Variants in IRGC observed in about 807,000 individuals in gnomAD.
IRGC encodes the protein interferon-inducible GTPase 5.
Under a neutral mutation model 16.1 loss-of-function variants are expected in IRGC, and 4 were observed. The observed-to-expected ratio is 0.25, with a 90% CI of 0.12 to 0.57. The LOEUF (loss-of-function observed/expected upper bound fraction) is 0.57, where lower values mean the gene tolerates loss of function less well. Ranked by LOEUF, IRGC falls within the 20% of genes least tolerant of loss-of-function variation. The pLI is 0.92. For synonymous variants in IRGC, 307 were observed against 299.5 expected (o/e 1.03, Z -0.26); for missense variants, 570 against 643.9 (o/e 0.89, Z 1.24).
At chr19:43,718,411 T>C in intron 1 of IRGC, 82 bp from the exon 2 acceptor site, 1 of 1,405,878 alleles carries the variant, frequency 7.1e-7, no homozygotes, top group Non-Finnish European at 9.2e-7. Flanking sequence ...CCAGGGCGAC[T>C]CCCTTCACAT....
At chr19:43,716,352 AAT>A (rs1968169396) in intron 1 of IRGC, among the ~76,000 whole-genome samples, 2 of 151,486 alleles carry the variant, frequency 1.3e-5, no homozygotes, top group South Asian at 4.2e-4. Context: ...TGGAGGCAAC[AAT>A]GTCTTTTTTT....
In IRGC at chr19:43,718,789, G is replaced by A. The variant is rs763985668; in HGVS notation, c.231G>A (p.Leu77=). ...KSSLINALRG[L]EAEDPGAALT... ...CCCTCATCAATGCCCTGCGTGGCCT[G>A]GAGGCCGAGGACCCTGGCGCGGCTC... The change falls in exon 2 of 2, where the codon CTG becomes CTA. Residue 77 remains leucine, a synonymous_variant. Coordinates refer to ENST00000244314, the MANE Select transcript of IRGC (RefSeq NM_019612.4). 1 of 1,612,868 alleles carries A rather than the reference G, an allele frequency of 6.2e-7. No individual in the cohort carries two copies. The highest frequency in any genetic ancestry group is 1.1e-5 in the South Asian group (1 of 91,076).
rs1309948008 is a variant in IRGC at position 43,719,541 on chromosome 19, C to T, written c.983C>T (p.Ser328Leu). ...QVGKQAGDLR[S>L]VIRSPLANEV... ...GGCAAACAGGCAGGTGACCTGCGCT[C>T]GGTCATCCGCTCCCCACTGGCCAAC... is the stretch of plus-strand genomic sequence containing the variant. The change falls in exon 2 of 2, where the codon TCG (serine) becomes TTG (leucine). Residue 328 changes from serine (S) to leucine (L), a missense_variant. Transcript: ENST00000244314. The T allele has an allele frequency of 1.9e-5, 30 of 1,602,494 alleles. No homozygotes were observed. Among genetic ancestry groups the T allele is most frequent in the African/African-American group, 2.7e-5 (2 of 74,954 alleles).
Position 43,719,751 on chromosome 19 carries a change from G to A in IRGC, c.1193G>A (p.Arg398His), listed in dbSNP as rs764551666. ...AACGAGATGGCTGAGGACGCCCAGC[G>A]TGTCCGCATCAAGGCCCTGGAGGAT... ...CLNEMAEDAQ[R>H]VRIKALEDDE... is the part of the protein sequence containing the mutation. The change falls in exon 2 of 2, where the codon CGT becomes CAT. Residue 398 changes from arginine (R) to histidine (H), a missense_variant. Transcript: ENST00000244314. The A allele has an allele frequency of 4.3e-6, 7 of 1,613,776 alleles. No individual in the cohort carries two copies. The highest frequency in any genetic ancestry group is 2.7e-5 in the African/African-American group (2 of 75,064).
At position 43,718,646 on chromosome 19, in the gene IRGC, G is replaced by T. The variant is rs1285900417; in HGVS notation, c.88G>T (p.Ala30Ser). The T allele has an allele frequency of 6.2e-7, 1 of 1,613,644 alleles. No homozygotes were observed. The highest frequency in any genetic ancestry group is 2.2e-5 in the East Asian group (1 of 44,882). The change falls in exon 2 of 2, where the codon GCC becomes TCC. Residue 30 changes from alanine (A) to serine (S), a missense_variant. Physicochemically the swap from Ala to Ser is moderately conservative, Grantham distance 99 (BLOSUM62 1). Transcript: ENST00000244314. The stretch of plus-strand genomic sequence containing the variant: ...GGAAAGGCTGGAGGCCCTGCGCACA[G>T]CCTTTGAGTCGGGTGACCTCCCCCA... Reference protein sequence around the residue: ...AKERLEALRTAFESGDLPQAA... With the variant: ...AKERLEALRTSFESGDLPQAA...
At chr19:43,718,030 C>T (rs1264232949) in intron 1 of IRGC, among the ~76,000 whole-genome samples, 1 of 152,200 alleles carries the variant, frequency 6.6e-6, no homozygotes, top group Non-Finnish European at 1.5e-5. Context: ...GATCGTAGCA[C>T]TGTGCTCCAG....
In IRGC at chr19:43,718,555, C is replaced by T. The variant is rs201915553; in HGVS notation, c.-4C>T. The T allele has an allele frequency of 5.7e-5, 89 of 1,561,884 alleles. No homozygotes were observed. Among genetic ancestry groups the T allele is most frequent in the Non-Finnish European group, 5.6e-5 (64 of 1,151,936 alleles). ...CCCCGCCACCCTCTGAACCACTGGC[C>T]ACCATGGCTACTTCAAAGTTGCCCG... On this transcript the variant is annotated 5_prime_UTR_variant, in exon 2 of 2. Transcript: ENST00000244314.
At position 43,718,842 on chromosome 19, in the gene IRGC, A is replaced by G. The variant is rs1211944184; in HGVS notation, c.284A>G (p.Gln95Arg). 6.2e-7 allele frequency: 1 copy of G among 1,613,146 alleles called. No homozygotes were observed. The highest frequency in any genetic ancestry group is 8.5e-7 in the Non-Finnish European group (1 of 1,179,968). The change falls in exon 2 of 2, where the codon CAA (glutamine) becomes CGA (arginine). Residue 95 changes from glutamine (Q) to arginine (R), a missense_variant. Physicochemically the swap from Gln to Arg is conservative, Grantham distance 43 (BLOSUM62 1). Coordinates refer to ENST00000244314, the MANE Select transcript of IRGC (RefSeq NM_019612.4). ...ALTGVMETTM[Q>R]PSPYPHPQFP... ...ACGGGCGTCATGGAGACCACGATGCAACCGTCGCCCTATCCACACCCACAG... is the reference window on the plus strand; with the variant it reads ...ACGGGCGTCATGGAGACCACGATGCGACCGTCGCCCTATCCACACCCACAG...
chr19:43,718,456 G>A, intron 1 of IRGC, 37 bp from the exon 2 acceptor site: 1 of 1,492,596 alleles, frequency 6.7e-7, no homozygotes, highest in Non-Finnish European at 8.9e-7. Context: ...CCATGCCAAG[G>A]CCCAGGAGGT....
chr19:43,719,206 C>T lies in IRGC; in HGVS notation c.648C>T (p.Ser216=), dbSNP rs1227496007. 1 of 1,608,416 alleles carries T rather than the reference C, an allele frequency of 6.2e-7. No homozygotes were observed. Among genetic ancestry groups the T allele is most frequent in the Admixed American group, 1.7e-5 (1 of 59,972 alleles). Residue 216 remains serine (S), a synonymous_variant, in exon 2 of 2, where the codon TCC becomes TCT. Coordinates refer to ENST00000244314, the MANE Select transcript of IRGC (RefSeq NM_019612.4). The part of the protein sequence containing the change: ...GVADPRIFLV[S]NLSPARYDFP... ...CTGACCCTCGCATCTTCCTGGTGTC[C>T]AACCTCTCGCCGGCCCGCTACGACT...
rs771234248 is a variant in IRGC, at chr19:43,718,550, C to T, written c.-9C>T. The T allele has an allele frequency of 3.2e-6, 5 of 1,558,024 alleles. No homozygotes were observed. The highest frequency in any genetic ancestry group is 4.3e-6 in the Non-Finnish European group (5 of 1,150,144). The stretch of plus-strand genomic sequence containing the variant: ...CTGTCCCCCGCCACCCTCTGAACCA[C>T]TGGCCACCATGGCTACTTCAAAGTT... On this transcript the variant is annotated 5_prime_UTR_variant, in exon 2 of 2. Coordinates refer to ENST00000244314, the MANE Select transcript of IRGC (RefSeq NM_019612.4).
At position 43,719,340 on chromosome 19, in the gene IRGC, C is replaced by G; in HGVS notation, c.782C>G (p.Ala261Gly). Reference protein sequence around the residue: ...ISLEALQKKKAMLQEQVLKTA... With the variant: ...ISLEALQKKKGMLQEQVLKTA... ...CTGGAGGCCTTGCAGAAGAAGAAGG[C>G]CATGCTTCAAGAGCAAGTCCTCAAG... Residue 261 changes from alanine to glycine, a missense_variant, in exon 2 of 2, where the codon GCC (alanine) becomes GGC (glycine). Coordinates refer to ENST00000244314, the MANE Select transcript of IRGC (RefSeq NM_019612.4). The G allele has an allele frequency of 6.2e-7, 1 of 1,612,122 alleles. No individual in the cohort carries two copies. The highest frequency in any genetic ancestry group is 8.5e-7 in the Non-Finnish European group (1 of 1,178,928).
intron 1 of IRGC, 73 bp from the exon 2 acceptor site, chr19:43,718,420 A>G: frequency 9.0e-6 from 13 of 1,443,418 alleles, no homozygotes; most frequent in Non-Finnish European, 1.2e-5. Context: ...CTCCCTTCAC[A>G]TCCGTGGTAT....
In IRGC at chr19:43,719,167, G is replaced by A. The variant is rs1160995428; in HGVS notation, c.609G>A (p.Arg203=). The A allele has an allele frequency of 5.6e-6, 9 of 1,609,056 alleles. No homozygotes were observed. Among genetic ancestry groups the A allele is most frequent in the Non-Finnish European group, 7.6e-6 (9 of 1,179,668 alleles). The change falls in exon 2 of 2, where the codon CGG becomes CGA. Residue 203 remains arginine (R), a synonymous_variant. Coordinates refer to ENST00000244314, the MANE Select transcript of IRGC (RefSeq NM_019612.4). ...EIRDHCAERL[R]EAGVADPRIF... ...GAGACCACTGTGCCGAGCGGCTGCG[G>A]GAGGCCGGCGTGGCTGACCCTCGCA...
In IRGC at chr19:43,720,018, A is replaced by C. The variant is rs559205450; in HGVS notation, c.*68A>C. 1.7e-5 allele frequency: 26 copies of C among 1,555,372 alleles called. No homozygotes were observed. In the African/African-American group the frequency reaches 2.6e-4, roughly 16 times the overall value. ...TTAACAAAATCCAAATTACCAACAA[A>C]AAAGGCCGATGTGGTGAATGTGAGG... On this transcript the variant is annotated 3_prime_UTR_variant, in exon 2 of 2. Transcript: ENST00000244314.
At chr19:43,717,421 C>CATAA (rs1968187486) in intron 1 of IRGC, among the ~76,000 whole-genome samples, 1 of 152,192 alleles carries the variant, frequency 6.6e-6, no homozygotes, top group African/African-American at 2.4e-5. Context: ...TTATGGGCTG[C>CATAA]TTTATGTCAT....
chr19:43,717,405 G>A (rs557684403), intron 1 of IRGC, among the ~76,000 whole-genome samples: 6 of 152,322 alleles, frequency 3.9e-5, no homozygotes, highest in East Asian at 3.9e-4. Flanking sequence ...TGAGCCAGGC[G>A]CCGTTTTATG....
Position 43,719,021 on chromosome 19 carries a change from G to A in IRGC, c.463G>A (p.Glu155Lys). The change falls in exon 2 of 2, where the codon GAG (glutamate) becomes AAG (lysine). Residue 155 changes from glutamate to lysine, a missense_variant. Coordinates refer to ENST00000244314, the MANE Select transcript of IRGC (RefSeq NM_019612.4). ...GGCCGTCGAGACCCGCCTGGCCGCT[G>A]AGATCCTGTGCCAGGGCAAGAAGTT... is the stretch of plus-strand genomic sequence containing the variant. Reference protein sequence around the residue: ...CGAVETRLAAEILCQGKKFYF... With the variant: ...CGAVETRLAAKILCQGKKFYF... 6.2e-7 allele frequency: 1 copy of A among 1,612,798 alleles called. No homozygotes were observed. The highest frequency in any genetic ancestry group is 8.5e-7 in the Non-Finnish European group (1 of 1,179,838).
intron 1 of IRGC, 132 bp from the exon 2 acceptor site, chr19:43,718,361 G>A (rs1165206462): frequency 8.9e-7 from 1 of 1,129,658 alleles, no homozygotes; most frequent in Non-Finnish European, 1.2e-6. Context: ...TGCCAAAAAT[G>A]TGTCCCCAAT....
Sources: allele counts gnomAD v4.1 joint callset (sites outside exome capture counted in the v4.1 genomes callset), GRCh38; gene constraint gnomAD v4.1.1; transcripts MANE v1.5; gene names NCBI Gene and HGNC (gene_info 2026-07-23, HGNC 2026-07-21).